The following EZR variants were observed in gnomAD, a reference collection of about 807,000 sequenced individuals.
EZR encodes cytovillin 2.
A neutral mutation model predicts 74.8 loss-of-function variants in EZR; 40 were observed. The observed-to-expected ratio is 0.53, with a 90% CI of 0.42 to 0.70. The LOEUF is 0.70. EZR is among the 30% of genes least tolerant of loss of function. The probability of loss-of-function intolerance (pLI) is 0.00; values close to 1 mark genes in which losing one functional copy is unlikely to be tolerated. For missense variants in EZR, 678 were observed against 755.8 expected, an observed-to-expected ratio of 0.90 and a Z score of 1.21; for synonymous variants, 341 against 283.3, an observed-to-expected ratio of 1.20 and a Z score of -2.05.
At chr6:158,794,321 G>GCACCAC (rs913413768) in intron 2 of EZR, among the ~76,000 whole-genome samples, 3 of 151,960 alleles carry the variant, frequency 2.0e-5, no homozygotes, top group South Asian at 2.1e-4. Context: ...ACCAGCACCA[G>GCACCAC]CACCACCACC....
At chr6:158,786,907 A>G (rs1791597217) in intron 4 of EZR, among the ~76,000 whole-genome samples, 1 of 152,244 alleles carries the variant, frequency 6.6e-6, no homozygotes, top group South Asian at 2.1e-4. Context: ...CCAATGAGTG[A>G]GCACTATGGA....
At chr6:158,800,186 G>A (rs1422723443) in intron 2 of EZR, among the ~76,000 whole-genome samples, 1 of 152,186 alleles carries the variant, frequency 6.6e-6, no homozygotes, top group African/African-American at 2.4e-5. Flanking sequence ...TATTAGAGAA[G>A]TAAAATAGCA....
intron 2 of EZR, among the ~76,000 whole-genome samples, chr6:158,805,299 A>G (rs1333940835): frequency 2.1e-5 from 3 of 143,516 alleles, no homozygotes; most frequent in Admixed American, 1.5e-4. Context: ...ACATGGCGCC[A>G]CTGCACTCCC....
chr6:158,803,131 T>C (rs1228659649), intron 2 of EZR, among the ~76,000 whole-genome samples: 3 of 152,076 alleles, frequency 2.0e-5, no homozygotes, highest in African/African-American at 7.3e-5. Context: ...AAATTCTTAA[T>C]GTGCAGCAGA....
intron 2 of EZR, among the ~76,000 whole-genome samples, chr6:158,797,682 G>A (rs1179978271): frequency 6.6e-6 from 1 of 152,210 alleles, no homozygotes; most frequent in Non-Finnish European, 1.5e-5. Flanking sequence ...ACAAATGGGA[G>A]TATGATAGGG....
Position 158,785,508 on chromosome 6 carries a change from C to G in EZR, c.268G>C (p.Ala90Pro). ...FRAKFYPEDV[A>P]EELIQDITQK... ...GTGATGTCCTGGATGAGCTCCTCAG[C>G]CACATCTTCAGGGTAGAACTTGGCC... The change falls in exon 5 of 14, where the codon GCT (alanine) becomes CCT (proline). Residue 90 changes from alanine to proline, a missense_variant. Coordinates refer to ENST00000367075, the MANE Select transcript of EZR (RefSeq NM_001111077.2). The G allele has an allele frequency of 1.9e-6, 3 of 1,614,178 alleles. No homozygotes were observed. The highest frequency in any genetic ancestry group is 2.5e-6 in the Non-Finnish European group (3 of 1,180,032).
chr6:158,789,427 AC>A, intron 2 of EZR, 56 bp from the exon 3 acceptor site: 1 of 1,441,788 alleles, frequency 6.9e-7, no homozygotes, highest in Non-Finnish European at 9.8e-7. Context: ...TCTTCTAATA[AC>A]CTCCTGCACC....
In EZR at chr6:158,787,165, A is replaced by G; in HGVS notation, c.135T>C (p.Phe45=). 1 of 1,613,550 alleles carries G rather than the reference A, an allele frequency of 6.2e-7. No homozygotes were observed. Among genetic ancestry groups the G allele is most frequent in the Non-Finnish European group, 8.5e-7 (1 of 1,179,474 alleles). The stretch of plus-strand genomic sequence containing the variant: ...CTTTATTATCCACATAGTGGAGGCC[A>G]AAGTACCACACTTCCCGGAGGCCGA... ...KTIGLREVWY[F]GLHYVDNKGF... The change falls in exon 4 of 14, where the codon TTT becomes TTC. Residue 45 remains phenylalanine (F), a synonymous_variant. Transcript: ENST00000367075.
chr6:158,818,141 A>G lies in EZR; in HGVS notation c.-48T>C. ...TCGATCCCCGAAAACACGACTATCC[A>G]GCAGCAGCGAAGACGCTGTCCCAAC... On this transcript the variant is annotated 5_prime_UTR_variant, in exon 2 of 14. Transcript: ENST00000367075. 1.2e-6 allele frequency: 2 copies of G among 1,603,902 alleles called. No homozygotes were observed. Among genetic ancestry groups the G allele is most frequent in the Non-Finnish European group, 1.7e-6 (2 of 1,173,284 alleles).
chr6:158,769,666 C>G (rs1164819468), intron 11 of EZR, 118 bp downstream of exon 11: 31 of 1,426,962 alleles, frequency 2.2e-5, no homozygotes, highest in South Asian at 1.3e-4. Flanking sequence ...TTCAGCCCCC[C>G]AGCAGATCAG....
At chr6:158,798,997 T>C (rs904838467) in intron 2 of EZR, among the ~76,000 whole-genome samples, 2 of 152,156 alleles carry the variant, frequency 1.3e-5, no homozygotes, top group African/African-American at 2.4e-5. Flanking sequence ...TAACTGAACA[T>C]TCCCTTTCTA....
intron 2 of EZR, among the ~76,000 whole-genome samples, chr6:158,790,080 G>GAATCT (rs1791695753): frequency 6.6e-6 from 1 of 152,232 alleles, no homozygotes; most frequent in African/African-American, 2.4e-5. Context: ...CAGAAGGTTT[G>GAATCT]AAGCAACCTT....
At chr6:158,788,306 G>C (rs1428445983) in intron 3 of EZR, 1 of 152,208 alleles carries the variant, frequency 6.6e-6, no homozygotes, top group East Asian at 1.9e-4. Flanking sequence ...TAAATGCCCA[G>C]GACTGACCTG....
At chr6:158,775,227 T>A (rs1372456038) in intron 8 of EZR, among the ~76,000 whole-genome samples, 1 of 151,990 alleles carries the variant, frequency 6.6e-6, no homozygotes, top group African/African-American at 2.4e-5. Flanking sequence ...GAGATGGGGT[T>A]TTCACTGTGT....
chr6:158,769,450 C>G (rs778114391), intron 11 of EZR, 32 bp from the exon 12 acceptor site: 2 of 1,591,116 alleles, frequency 1.3e-6, no homozygotes, highest in South Asian at 2.2e-5. Flanking sequence ...CACGTCAGTT[C>G]TGATATCCTT....
chr6:158,769,515 A>G (rs2128564388), intron 11 of EZR, 97 bp from the exon 12 acceptor site: 2 of 1,267,668 alleles, frequency 1.6e-6, no homozygotes, highest in Non-Finnish European at 2.2e-6. Flanking sequence ...GCAGTCTCCA[A>G]CGTGACACCT....
intron 1 of EZR, among the ~76,000 whole-genome samples, chr6:158,818,510 A>G (rs534059915): frequency 3.2e-5 from 4 of 126,536 alleles, no homozygotes; most frequent in Non-Finnish European, 6.6e-5. Flanking sequence ...CAGGCCCGGG[A>G]GAGAGAGGGC....
intron 7 of EZR, among the ~76,000 whole-genome samples, chr6:158,780,256 A>G (rs1439023733): frequency 1.3e-5 from 2 of 152,168 alleles, no homozygotes; most frequent in East Asian, 3.9e-4. Context: ...ATAATGTTCT[A>G]CATGTCTTAA....
chr6:158,783,335 C>A lies in EZR; in HGVS notation c.698+185G>T, dbSNP rs1791481311. Among the ~76,000 whole-genome samples the A allele has an allele frequency of 2.8e-5, 4 of 143,798 alleles. No individual in the cohort carries two copies. The South Asian group carries it at 9.2e-4, about 33-fold the overall frequency. 94.3% of individuals were successfully genotyped at this position (143,798 alleles called of 152,430 possible). The stretch of plus-strand genomic sequence containing the variant: ...CCCCGCCCACCATGAGAGAGGATAA[C>A]CCACACCTCTGGACCACCCTTTGAG... On this transcript the variant is annotated intron_variant, in intron 7 of 13. Coordinates refer to ENST00000367075, the MANE Select transcript of EZR (RefSeq NM_001111077.2).
Sources: allele counts gnomAD v4.1 joint callset (sites outside exome capture counted in the v4.1 genomes callset), GRCh38; gene constraint gnomAD v4.1.1; transcripts MANE v1.5; gene names NCBI Gene and HGNC (gene_info 2026-07-23, HGNC 2026-07-21).